The following OOSP3 variants were observed in gnomAD, a reference collection of about 807,000 sequenced individuals.
OOSP3 encodes the protein oocyte-secreted protein 3.
chr11:59,894,259 A>G (rs1853337091), intron 3 of OOSP3, 83 bp downstream of exon 3: 1 of 396,674 alleles, frequency 2.5e-6, no homozygotes, highest in Admixed American at 4.4e-5. Context: ...GAAGCTTTAC[A>G]TCATTAGAAC....
At chr11:59,886,182 A>T (rs539113503) in intron 2 of OOSP3, among the ~76,000 whole-genome samples, 78 of 152,270 alleles carry the variant, frequency 5.1e-4, no homozygotes, top group African/African-American at 1.7e-3. Flanking sequence ...GCTGAGGATA[A>T]TGGCTTCCAG....
chr11:59,895,392 C>T (rs1402635008), intron 3 of OOSP3, 110 bp from the exon 4 acceptor site: 1 of 364,842 alleles, frequency 2.7e-6, no homozygotes, highest in African/African-American at 2.2e-5. Context: ...AAGTCTACTA[C>T]TGCTAAAGTA....
At chr11:59,891,844 G>T (rs187251692) in intron 2 of OOSP3, among the ~76,000 whole-genome samples, 42 of 152,334 alleles carry the variant, frequency 2.8e-4, no homozygotes, top group African/African-American at 9.4e-4. Flanking sequence ...CAGTAATTGT[G>T]GTGGCCCCTC....
intron 2 of OOSP3, among the ~76,000 whole-genome samples, chr11:59,885,296 G>T (rs994566167): frequency 6.6e-6 from 1 of 151,962 alleles, no homozygotes; most frequent in Admixed American, 6.6e-5. Context: ...TGTTGGGGGG[G>T]CGCGTGGTTA....
At chr11:59,882,880 T>C (rs1243121099) in intron 2 of OOSP3, among the ~76,000 whole-genome samples, 1 of 152,224 alleles carries the variant, frequency 6.6e-6, no homozygotes, top group Non-Finnish European at 1.5e-5. Flanking sequence ...ATAAATTCAA[T>C]CATACAATAT....
At chr11:59,880,172 T>G in intron 1 of OOSP3, 89 bp from the exon 2 acceptor site, 1 of 396,964 alleles carries the variant, frequency 2.5e-6, no homozygotes. Flanking sequence ...TATATACATA[T>G]GTTTAAATAT....
intron 2 of OOSP3, among the ~76,000 whole-genome samples, chr11:59,887,198 C>A (rs1853271193): frequency 6.6e-6 from 1 of 151,342 alleles, no homozygotes; most frequent in African/African-American, 2.4e-5. Flanking sequence ...GGATAGATTG[C>A]AAAAATTTTC....
At chr11:59,882,273 T>C (rs1012158779) in intron 2 of OOSP3, among the ~76,000 whole-genome samples, 1 of 151,942 alleles carries the variant, frequency 6.6e-6, no homozygotes, top group Non-Finnish European at 1.5e-5. Flanking sequence ...GATTTTTTTT[T>C]TTCCCCCCTG....
rs58391283 is a variant in OOSP3, at chr11:59,880,143, A to T, written c.74-118A>T. The T allele has an allele frequency of 1.9e-3, 764 of 395,988 alleles. 5 individuals are homozygous for T. Among genetic ancestry groups the T allele is most frequent in the African/African-American group, 0.013 (651 of 48,690 alleles). 24.5% of individuals were successfully genotyped at this position (395,988 alleles called of 1,614,324 possible). A position where few individuals can be genotyped will look rare whatever the true frequency, so the allele number is the denominator to read the frequency against. On this transcript the variant is annotated intron_variant, in intron 1 of 4. Transcript: ENST00000646438. ...CTGAGTGATCATATTGTATCTCTCA[A>T]GGCTGTTTTACAGTGGTGTATATAC...
intron 2 of OOSP3, among the ~76,000 whole-genome samples, chr11:59,885,319 TTC>T (rs890471321): frequency 1.3e-5 from 2 of 152,192 alleles, no homozygotes; most frequent in African/African-American, 4.8e-5. Context: ...CAATGATTTC[TTC>T]TCTTTTTTCT....
chr11:59,881,573 A>C (rs1163261776), intron 2 of OOSP3, among the ~76,000 whole-genome samples: 1 of 152,194 alleles, frequency 6.6e-6, no homozygotes, highest in East Asian at 1.9e-4. Flanking sequence ...TGGTGGAGGA[A>C]GAAAAGTGGA....
At chr11:59,895,634 A>G in exon 4 of OOSP3, 1 of 398,448 alleles carries the variant, frequency 2.5e-6, no homozygotes, top group Non-Finnish European at 4.4e-6. Context: ...CTCGGATTCC[A>G]TATTTTCAAA....
At chr11:59,892,016 C>T (rs991299193) in intron 2 of OOSP3, among the ~76,000 whole-genome samples, 2 of 152,190 alleles carry the variant, frequency 1.3e-5, no homozygotes, top group Admixed American at 6.5e-5. Flanking sequence ...CAGTAGTGGA[C>T]GAATCTCTTG....
At chr11:59,893,748 G>C (rs571800377) in intron 2 of OOSP3, among the ~76,000 whole-genome samples, 2 of 152,234 alleles carry the variant, frequency 1.3e-5, no homozygotes, top group South Asian at 4.2e-4. Context: ...CTGGGATACA[G>C]CACTGTGATA....
intron 2 of OOSP3, among the ~76,000 whole-genome samples, chr11:59,891,684 G>A (rs538283315): frequency 3.1e-4 from 47 of 152,304 alleles, no homozygotes; most frequent in Non-Finnish European, 5.3e-4. Context: ...TTACTCTCCT[G>A]TGTGAGGTGT....
At chr11:59,895,854 T>C (rs1161938341) in intron 4 of OOSP3, among the ~76,000 whole-genome samples, 1 of 152,252 alleles carries the variant, frequency 6.6e-6, no homozygotes. Flanking sequence ...TATCCTGGTC[T>C]TGTCAATAAG....
rs73490934 is a variant in OOSP3, at chr11:59,881,519, A to G, written c.252+1080A>G. ...AATAGAACTAGGGAGGAGGAGAGCG[A>G]GAGTTTTCTGACAGCAACATACAGA... On this transcript the variant is annotated intron_variant, in intron 2 of 4. Transcript: ENST00000646438. Among the ~76,000 whole-genome samples the G allele has an allele frequency of 1.9e-3, 286 of 152,328 alleles. 3 individuals are homozygous for G. The highest frequency in any genetic ancestry group is 6.5e-3 in the African/African-American group (272 of 41,576).
chr11:59,883,818 A>G (rs1853224711), intron 2 of OOSP3, among the ~76,000 whole-genome samples: 1 of 152,252 alleles, frequency 6.6e-6, no homozygotes, highest in Non-Finnish European at 1.5e-5. Context: ...AAAAAGATTA[A>G]GTAACCTACA....
exon 4 of OOSP3, chr11:59,895,619 A>G (rs1853348978): frequency 2.5e-6 from 1 of 398,282 alleles, no homozygotes. Flanking sequence ...GCTTATTTGG[A>G]TTGACTCGGA....
Sources: gnomAD v4.1 joint callset for allele counts (sites outside exome capture counted in the v4.1 genomes callset) on GRCh38, gnomAD v4.1.1 for gene constraint, MANE v1.5 for transcripts, NCBI Gene and HGNC (gene_info 2026-07-23, HGNC 2026-07-21) for gene names.